NKAIN2: variants seen among roughly 807,000 people sequenced by gnomAD.
NKAIN2 encodes sodium/potassium transporting ATPase interacting 2, also known as sodium/potassium-transporting ATPase subunit beta-1-interacting protein 2.
In NKAIN2, 14 loss-of-function variants were observed where a neutral mutation model predicts 32.6. The ratio of observed to expected loss-of-function variants is 0.43; its 90% CI spans 0.28 to 0.67. NKAIN2 has a LOEUF of 0.67. Among genes scored for constraint, NKAIN2 ranks in the 30% least tolerant of loss-of-function variants. NKAIN2 has a pLI of 0.17. For missense variants in NKAIN2, 198 were observed against 258.3 expected, an observed-to-expected ratio of 0.77 and a Z score of 1.60; for synonymous variants, 80 against 87.2, an observed-to-expected ratio of 0.92 and a Z score of 0.46.
intron 1 of NKAIN2, among the ~76,000 whole-genome samples, chr6:123,837,756 G>C (rs552804694): frequency 6.6e-6 from 1 of 152,128 alleles, no homozygotes; most frequent in East Asian, 1.9e-4. Flanking sequence ...GTCTAGCTTA[G>C]TGTTGGGCTA....
intron 5 of NKAIN2, among the ~76,000 whole-genome samples, chr6:124,815,845 TTTC>T (rs921217243): frequency 1.6e-4 from 25 of 152,172 alleles, no homozygotes; most frequent in African/African-American, 5.8e-4. Flanking sequence ...GGCTCTTAAT[TTTC>T]TTCTTTTACA....
intron 1 of NKAIN2, among the ~76,000 whole-genome samples, chr6:123,931,179 C>T (rs1776236551): frequency 6.6e-6 from 1 of 151,174 alleles, no homozygotes; most frequent in Admixed American, 6.6e-5. Context: ...GCCTGAGTTC[C>T]CTCATCTGAA....
chr6:124,591,659 A>G (rs1781918433), intron 3 of NKAIN2, among the ~76,000 whole-genome samples: 1 of 152,202 alleles, frequency 6.6e-6, no homozygotes. Flanking sequence ...TGTCAAAGAT[A>G]TCAGTACAAA....
intron 1 of NKAIN2, among the ~76,000 whole-genome samples, chr6:123,887,885 G>T (rs2114359210): frequency 6.6e-6 from 1 of 152,058 alleles, no homozygotes; most frequent in East Asian, 1.9e-4. Context: ...CATTTTCTTG[G>T]TTCACATTAG....
At chr6:124,561,247 GT>G (rs2114893229) in intron 3 of NKAIN2, among the ~76,000 whole-genome samples, 1 of 152,290 alleles carries the variant, frequency 6.6e-6, no homozygotes, top group Non-Finnish European at 1.5e-5. Context: ...AAAATAATCA[GT>G]TTTAACACAT....
chr6:124,379,762 A>G (rs1205276834), intron 3 of NKAIN2, among the ~76,000 whole-genome samples: 1 of 152,276 alleles, frequency 6.6e-6, no homozygotes, highest in East Asian at 1.9e-4. Flanking sequence ...TGTCATTTGC[A>G]CATCAGGAAA....
chr6:124,599,814 C>T (rs1202778577), intron 3 of NKAIN2, among the ~76,000 whole-genome samples: 1 of 151,964 alleles, frequency 6.6e-6, no homozygotes, highest in Non-Finnish European at 1.5e-5. Flanking sequence ...CCGTGCATGA[C>T]CAAGGGTGAT....
intron 1 of NKAIN2, among the ~76,000 whole-genome samples, chr6:124,023,624 T>G (rs992559518): frequency 6.6e-6 from 1 of 152,192 alleles, no homozygotes; most frequent in Non-Finnish European, 1.5e-5. Context: ...AGTAATAATA[T>G]ATTTTAAATT....
At chr6:124,551,905 G>C (rs1412875395) in intron 3 of NKAIN2, among the ~76,000 whole-genome samples, 1 of 152,164 alleles carries the variant, frequency 6.6e-6, no homozygotes, top group Admixed American at 6.5e-5. Flanking sequence ...CTAAATGACT[G>C]TTTCTAAAAT....
chr6:124,732,375 A>G (rs1397548565), intron 4 of NKAIN2, among the ~76,000 whole-genome samples: 1 of 152,090 alleles, frequency 6.6e-6, no homozygotes, highest in East Asian at 1.9e-4. Flanking sequence ...CAGGGAAGTT[A>G]GCAAAGGCTA....
chr6:124,047,522 C>G (rs1194569663), intron 1 of NKAIN2, among the ~76,000 whole-genome samples: 1 of 151,906 alleles, frequency 6.6e-6, no homozygotes, highest in East Asian at 1.9e-4. Context: ...CCTACACTAA[C>G]ACACAAAGGA....
intron 1 of NKAIN2, among the ~76,000 whole-genome samples, chr6:123,980,273 A>T (rs1778825357): frequency 6.6e-6 from 1 of 152,164 alleles, no homozygotes. Flanking sequence ...GTCTTTTTTG[A>T]AGACTGGAGG....
chr6:124,262,235 C>T (rs985014726), intron 1 of NKAIN2, among the ~76,000 whole-genome samples: 3 of 152,238 alleles, frequency 2.0e-5, no homozygotes, highest in Non-Finnish European at 2.9e-5. Flanking sequence ...TATCAAATAT[C>T]ATGCACTCAT....
intron 3 of NKAIN2, among the ~76,000 whole-genome samples, chr6:124,410,026 G>C (rs964252232): frequency 6.6e-6 from 1 of 152,150 alleles, no homozygotes; most frequent in African/African-American, 2.4e-5. Context: ...ATTTCTGTGG[G>C]ATCGGTGGTG....
chr6:124,822,391 A>C (rs1781428651), intron 6 of NKAIN2, among the ~76,000 whole-genome samples: 1 of 152,214 alleles, frequency 6.6e-6, no homozygotes, highest in South Asian at 2.1e-4. Flanking sequence ...AAAATATTAT[A>C]TAGCAAATGG....
chr6:124,531,676 T>C (rs1246865225), intron 3 of NKAIN2, among the ~76,000 whole-genome samples: 1 of 152,172 alleles, frequency 6.6e-6, no homozygotes, highest in Non-Finnish European at 1.5e-5. Context: ...ATTTTTTCTT[T>C]CTTTCTGTTT....
intron 3 of NKAIN2, among the ~76,000 whole-genome samples, chr6:124,597,722 G>A (rs1455442714): frequency 6.6e-6 from 1 of 152,108 alleles, no homozygotes; most frequent in Non-Finnish European, 1.5e-5. Flanking sequence ...CTAGTTCAGA[G>A]GAAAATTATA....
intron 1 of NKAIN2, among the ~76,000 whole-genome samples, chr6:123,952,969 C>A (rs138758824): frequency 6.6e-6 from 1 of 152,132 alleles, no homozygotes; most frequent in East Asian, 1.9e-4. Context: ...TGTATCCTTA[C>A]ATTGATATCT....
At chr6:124,379,366 G>C (rs971696797) in intron 3 of NKAIN2, among the ~76,000 whole-genome samples, 2 of 150,178 alleles carry the variant, frequency 1.3e-5, no homozygotes, top group African/African-American at 4.9e-5. Flanking sequence ...AGAGAGAAAG[G>C]AGAGAAGGGA....
Sources: allele counts gnomAD v4.1 joint callset (sites outside exome capture counted in the v4.1 genomes callset), GRCh38; gene constraint gnomAD v4.1.1; transcripts MANE v1.5; gene names NCBI Gene and HGNC (gene_info 2026-07-23, HGNC 2026-07-21).